The following CACNG4 variants were observed in gnomAD, a reference collection of about 807,000 sequenced individuals.
CACNG4 encodes the protein calcium voltage-gated channel auxiliary subunit gamma 4.
In CACNG4, 8 loss-of-function variants were observed where a neutral mutation model predicts 22.9. That is an observed-to-expected ratio of 0.35 (90% CI 0.21 to 0.63). The LOEUF (loss-of-function observed/expected upper bound fraction) is 0.63, where lower values mean the gene tolerates loss of function less well. CACNG4 is among the 30% of genes least tolerant of loss of function. The pLI is 0.72. For synonymous variants in CACNG4, 188 were observed against 191.9 expected, an observed-to-expected ratio of 0.98 and a Z score of 0.17; for missense variants, 357 against 455.4, an observed-to-expected ratio of 0.78 and a Z score of 1.97.
intron 1 of CACNG4, among the ~76,000 whole-genome samples, chr17:66,999,923 G>A (rs954364863): frequency 2.6e-5 from 4 of 152,222 alleles, no homozygotes; most frequent in African/African-American, 9.6e-5. Flanking sequence ...GAATTAGAGA[G>A]AGAGCCAACG....
intron 1 of CACNG4, among the ~76,000 whole-genome samples, chr17:66,975,970 G>A (rs1258252037): frequency 6.6e-6 from 1 of 152,226 alleles, no homozygotes; most frequent in Non-Finnish European, 1.5e-5. Context: ...GAGGAACTGG[G>A]GAACTTCCAG....
intron 1 of CACNG4, among the ~76,000 whole-genome samples, chr17:66,999,369 T>C (rs1046406114): frequency 3.3e-5 from 5 of 152,178 alleles, no homozygotes; most frequent in Non-Finnish European, 5.9e-5. Flanking sequence ...TTCGGTCCTG[T>C]GTTCTGTATC....
chr17:66,980,803 G>C (rs979464763), intron 1 of CACNG4, among the ~76,000 whole-genome samples: 3 of 151,804 alleles, frequency 2.0e-5, no homozygotes, highest in Non-Finnish European at 2.9e-5. Flanking sequence ...ATTTTCAGTA[G>C]AGACAGGGTT....
chr17:67,026,627 G>T (rs2035568998), intron 3 of CACNG4, among the ~76,000 whole-genome samples: 1 of 150,940 alleles, frequency 6.6e-6, no homozygotes, highest in African/African-American at 2.5e-5. Flanking sequence ...GGACTGTGGT[G>T]TGTGTGTGTC....
At chr17:66,979,219 TCTC>T (rs918647497) in intron 1 of CACNG4, among the ~76,000 whole-genome samples, 13 of 152,206 alleles carry the variant, frequency 8.5e-5, no homozygotes, top group African/African-American at 3.1e-4. Flanking sequence ...TCCCTCTTTC[TCTC>T]CTTTCTTTCT....
chr17:66,980,901 G>A (rs1034740099), intron 1 of CACNG4, among the ~76,000 whole-genome samples: 1 of 152,078 alleles, frequency 6.6e-6, no homozygotes, highest in African/African-American at 2.4e-5. Flanking sequence ...TTACAGGCGT[G>A]AGCCACCGCA....
At chr17:67,008,197 C>G (rs1194623673) in intron 1 of CACNG4, among the ~76,000 whole-genome samples, 2 of 152,190 alleles carry the variant, frequency 1.3e-5, no homozygotes, top group Admixed American at 6.5e-5. Context: ...TGGAGAGCCA[C>G]TAGCAGGCCA....
At chr17:66,990,547 G>A (rs907406780) in intron 1 of CACNG4, among the ~76,000 whole-genome samples, 1 of 152,118 alleles carries the variant, frequency 6.6e-6, no homozygotes, top group Middle Eastern at 3.2e-3. Context: ...GGTGGTCTCC[G>A]GTCAGATGAA....
intron 1 of CACNG4, among the ~76,000 whole-genome samples, chr17:66,980,620 C>CTTTTTTTTTTTTTTTTT (rs67051865): frequency 9.3e-6 from 1 of 107,030 alleles, no homozygotes; most frequent in African/African-American, 4.0e-5. Flanking sequence ...TGTGTAAATT[C>CTTTTTTTTTTTTTTTTT]TTTTTTTTTT....
chr17:66,983,251 GC>G (rs2143294417), intron 1 of CACNG4, among the ~76,000 whole-genome samples: 1 of 152,294 alleles, frequency 6.6e-6, no homozygotes, highest in African/African-American at 2.4e-5. Flanking sequence ...CCCAGCACCT[GC>G]ACCCAGGTCT....
chr17:67,012,222 C>T (rs1297684722), intron 1 of CACNG4, among the ~76,000 whole-genome samples: 3 of 152,206 alleles, frequency 2.0e-5, no homozygotes, highest in Non-Finnish European at 4.4e-5. Context: ...TCAAATGGAG[C>T]AGAGAAGACT....
At chr17:67,020,652 C>T (rs540664826) in intron 2 of CACNG4, among the ~76,000 whole-genome samples, 18 of 152,310 alleles carry the variant, frequency 1.2e-4, no homozygotes, top group Middle Eastern at 3.4e-3. Context: ...TTTGATCATC[C>T]TTTTATCTCC....
intron 1 of CACNG4, among the ~76,000 whole-genome samples, chr17:66,985,950 AAAAG>A (rs1047434837): frequency 1.3e-5 from 2 of 151,830 alleles, no homozygotes; most frequent in Admixed American, 6.6e-5. Context: ...AAGGAAAAAA[AAAAG>A]AAGAAGAAGA....
At chr17:67,003,213 C>G (rs2035418747) in intron 1 of CACNG4, among the ~76,000 whole-genome samples, 1 of 151,960 alleles carries the variant, frequency 6.6e-6, no homozygotes, top group African/African-American at 2.4e-5. Context: ...CCCCAAATCA[C>G]CCTCGGTTTA....
intron 2 of CACNG4, among the ~76,000 whole-genome samples, chr17:67,023,660 C>T (rs2143366424): frequency 6.6e-6 from 1 of 151,936 alleles, no homozygotes; most frequent in Non-Finnish European, 1.5e-5. Flanking sequence ...CAACCTCCAC[C>T]TCTGGGGTTC....
intron 1 of CACNG4, among the ~76,000 whole-genome samples, chr17:66,990,375 C>T (rs898469714): frequency 2.0e-5 from 3 of 152,180 alleles, no homozygotes; most frequent in Non-Finnish European, 4.4e-5. Context: ...CTCCAATCTG[C>T]CACAACAGAG....
chr17:67,016,385 G>A (rs1294017222), intron 1 of CACNG4, among the ~76,000 whole-genome samples: 1 of 152,048 alleles, frequency 6.6e-6, no homozygotes, highest in African/African-American at 2.4e-5. Context: ...AGGAATCAGG[G>A]TTGTCACTGA....
intron 2 of CACNG4, among the ~76,000 whole-genome samples, chr17:67,022,036 G>A (rs994341535): frequency 2.0e-5 from 3 of 151,744 alleles, no homozygotes; most frequent in Non-Finnish European, 4.4e-5. Flanking sequence ...GGATGGCTCT[G>A]AGCCAAGCCT....
intron 1 of CACNG4, among the ~76,000 whole-genome samples, chr17:67,007,161 C>A (rs1426441898): frequency 1.3e-5 from 2 of 151,538 alleles, no homozygotes; most frequent in African/African-American, 4.8e-5. Context: ...GGTGACAGAG[C>A]GAGACTCTAT....
Sources: gnomAD v4.1 joint callset for allele counts (sites outside exome capture counted in the v4.1 genomes callset) on GRCh38, gnomAD v4.1.1 for gene constraint, MANE v1.5 for transcripts, NCBI Gene and HGNC (gene_info 2026-07-23, HGNC 2026-07-21) for gene names.